The following WRN variants were observed in gnomAD, a reference collection of about 807,000 sequenced individuals.
The protein encoded by WRN is WRN RecQ like helicase, also known as bifunctional 3'-5' exonuclease/ATP-dependent helicase WRN.
A neutral mutation model predicts 180.7 loss-of-function variants in WRN; 149 were observed. That is an observed-to-expected ratio of 0.82 (90% CI 0.72 to 0.94). The LOEUF (loss-of-function observed/expected upper bound fraction) is 0.94, where lower values mean the gene tolerates loss of function less well. Ranked by LOEUF, WRN falls within the 40% of genes least tolerant of loss-of-function variation. The pLI, the probability that WRN is intolerant of heterozygous loss-of-function variation, is 0.00. For missense variants in WRN, 1,661 were observed against 1,700.1 expected, an observed-to-expected ratio of 0.98 and a Z score of 0.40; for synonymous variants, 548 against 568.9, an observed-to-expected ratio of 0.96 and a Z score of 0.52.
At chr8:31,151,197 C>T (rs1803111280) in intron 31 of WRN, among the ~76,000 whole-genome samples, 1 of 152,168 alleles carries the variant, frequency 6.6e-6, no homozygotes, top group African/African-American at 2.4e-5. Flanking sequence ...GGAAATGACA[C>T]TTCCTCCCCC....
chr8:31,036,439 C>T (rs1811455883), intron 1 of WRN, among the ~76,000 whole-genome samples: 1 of 152,142 alleles, frequency 6.6e-6, no homozygotes, highest in African/African-American at 2.4e-5. Context: ...GAGTTATTTC[C>T]ATAATGTTAG....
Position 31,147,384 on chromosome 8 carries a change from G to C in WRN, c.3480G>C (p.Leu1160Phe). The C allele has an allele frequency of 6.2e-7, 1 of 1,613,944 alleles. No individual in the cohort carries two copies. Among genetic ancestry groups the C allele is most frequent in the Non-Finnish European group, 8.5e-7 (1 of 1,179,934 alleles). The change falls in exon 30 of 35, where the codon TTG becomes TTC. Residue 1160 changes from leucine (L) to phenylalanine (F), a missense_variant. Leu to Phe is a conservative substitution (Grantham distance 22). Coordinates refer to ENST00000298139, the MANE Select transcript of WRN (RefSeq NM_000553.6). ...TTCAGATTGTGTTATATGGCAAATT[G>C]GTAGAAGCTAGGCAGAAACATGCCA... is the stretch of plus-strand genomic sequence containing the variant. ...QETQIVLYGK[L>F]VEARQKHANK...
rs1311284985 is a variant in WRN, at chr8:31,067,016, T to C, written c.505-17T>C. On this transcript the variant is annotated splice_polypyrimidine_tract_variant and intron_variant, in intron 5 of 34. Transcript: ENST00000298139. ...ACAGGAACTGATTTTACTGTGTTGC[T>C]TTTTCATCATTTCTAGCTGAAATGC... 1.2e-6 allele frequency: 2 copies of C among 1,613,222 alleles called. No homozygotes were observed. Among genetic ancestry groups the C allele is most frequent in the Non-Finnish European group, 1.7e-6 (2 of 1,179,660 alleles).
At chr8:31,074,435 A>T (rs1450319956) in intron 7 of WRN, among the ~76,000 whole-genome samples, 1 of 152,032 alleles carries the variant, frequency 6.6e-6, no homozygotes, top group East Asian at 1.9e-4. Context: ...TTATTATTTC[A>T]TTTTTCTTAG....
intron 21 of WRN, among the ~76,000 whole-genome samples, chr8:31,121,994 T>C (rs1216791315): frequency 6.6e-6 from 1 of 152,006 alleles, no homozygotes; most frequent in African/African-American, 2.4e-5. Flanking sequence ...TTTGTGTATT[T>C]TGTTAAAGGT....
At chr8:31,071,645 C>T (rs1301519727) in intron 7 of WRN, among the ~76,000 whole-genome samples, 1 of 152,224 alleles carries the variant, frequency 6.6e-6, no homozygotes, top group East Asian at 1.9e-4. Context: ...CCACGCCCAG[C>T]TAATTTTTGT....
At chr8:31,171,899 A>G (rs1474176583) in intron 34 of WRN, among the ~76,000 whole-genome samples, 1 of 152,200 alleles carries the variant, frequency 6.6e-6, no homozygotes, top group Admixed American at 6.5e-5. Flanking sequence ...GACACCTTGT[A>G]CCTTAGATAA....
At chr8:31,150,295 G>A in intron 30 of WRN, 46 bp from the exon 31 acceptor site, 1 of 1,463,608 alleles carries the variant, frequency 6.8e-7, no homozygotes, top group Admixed American at 1.7e-5. Context: ...CTGTTTCAGT[G>A]GTTTCTTGAC....
At chr8:31,099,494 G>A (rs73228691) in intron 17 of WRN, among the ~76,000 whole-genome samples, 4 of 151,488 alleles carry the variant, frequency 2.6e-5, no homozygotes, top group Non-Finnish European at 5.9e-5. Context: ...CCACTCAGTA[G>A]TACCCAGAGA....
intron 33 of WRN, among the ~76,000 whole-genome samples, chr8:31,160,808 AC>A (rs1803580880): frequency 6.6e-6 from 1 of 151,974 alleles, no homozygotes; most frequent in South Asian, 2.1e-4. Flanking sequence ...ACATGGTGAA[AC>A]CCCGTCTCTA....
At chr8:31,088,389 T>C (rs1477593027) in intron 12 of WRN, among the ~76,000 whole-genome samples, 1 of 152,182 alleles carries the variant, frequency 6.6e-6, no homozygotes. Context: ...GGTAACTAAC[T>C]TTTCCTAACT....
chr8:31,072,116 A>G (rs1307144434), intron 7 of WRN, among the ~76,000 whole-genome samples: 2 of 152,224 alleles, frequency 1.3e-5, no homozygotes, highest in Admixed American at 1.3e-4. Flanking sequence ...AGTGTTGAAC[A>G]TTTGCGTGGA....
intron 16 of WRN, among the ~76,000 whole-genome samples, chr8:31,096,133 G>A (rs894506291): frequency 6.6e-6 from 1 of 152,152 alleles, no homozygotes; most frequent in Non-Finnish European, 1.5e-5. Flanking sequence ...TTTCATAAAG[G>A]TAAAGGCATA....
Position 31,117,231 on chromosome 8 carries a change from G to A in WRN, c.2448+703G>A, listed in dbSNP as rs113141509. Among the ~76,000 whole-genome samples, 186 of 152,304 alleles carry A rather than the reference G, an allele frequency of 1.2e-3. 1 individual carries two copies. The highest frequency in any genetic ancestry group is 2.3e-3 in the Non-Finnish European group (154 of 68,024). ...TGGCTGAAGTTAATGTGAGGGAAAAGGAGGTACAAGAGTCTCGTCTCTAGA... is the reference window on the plus strand; with the variant it reads ...TGGCTGAAGTTAATGTGAGGGAAAAAGAGGTACAAGAGTCTCGTCTCTAGA... On this transcript the variant is annotated intron_variant, in intron 20 of 34. Transcript: ENST00000298139.
chr8:31,159,992 G>A lies in WRN; in HGVS notation c.3982+2462G>A, dbSNP rs1212167769. Among the ~76,000 whole-genome samples the A allele has an allele frequency of 3.2e-5, 4 of 123,704 alleles. No homozygotes were observed. In the East Asian group the frequency reaches 1.0e-3, roughly 31 times the overall value. The allele number at this position is 123,704 out of a possible 152,430, so 81.2% of individuals were successfully genotyped here. On this transcript the variant is annotated intron_variant, in intron 33 of 34. Coordinates refer to ENST00000298139, the MANE Select transcript of WRN (RefSeq NM_000553.6). ...CTTGTACCCTGACAAGTTTTAGTTT[G>A]TGCAGGAATGCTAGAATGACTCAAG...
chr8:31,038,131 T>C (rs1201680546), intron 1 of WRN, among the ~76,000 whole-genome samples: 1 of 152,130 alleles, frequency 6.6e-6, no homozygotes, highest in Non-Finnish European at 1.5e-5. Context: ...ACTTACTAGA[T>C]CACATGGTAA....
chr8:31,056,402 T>C (rs1456958071), intron 1 of WRN, among the ~76,000 whole-genome samples: 3 of 152,206 alleles, frequency 2.0e-5, no homozygotes, highest in Non-Finnish European at 4.4e-5. Context: ...TATACACTTA[T>C]TGATAACCAG....
chr8:31,154,262 GTTCA>G (rs747513479), intron 31 of WRN, among the ~76,000 whole-genome samples: 4 of 151,882 alleles, frequency 2.6e-5, no homozygotes, highest in East Asian at 1.9e-4. Context: ...TAGTGATTCT[GTTCA>G]TTCATTCATT....
intron 12 of WRN, among the ~76,000 whole-genome samples, chr8:31,088,351 T>C (rs1563343376): frequency 6.6e-6 from 1 of 152,158 alleles, no homozygotes; most frequent in African/African-American, 2.4e-5. Context: ...CATTGTGCTG[T>C]GCAGTTAGAA....
Sources: allele counts gnomAD v4.1 joint callset (sites outside exome capture counted in the v4.1 genomes callset), GRCh38; gene constraint gnomAD v4.1.1; transcripts MANE v1.5; gene names NCBI Gene and HGNC (gene_info 2026-07-23, HGNC 2026-07-21).